Variants in HPSE2 observed in about 807,000 individuals in gnomAD.
HPSE2 encodes the protein inactive heparanase-2.
A neutral mutation model predicts 60.5 loss-of-function variants in HPSE2; 38 were observed. The ratio of observed to expected loss-of-function variants is 0.63; its 90% CI spans 0.48 to 0.82. The LOEUF is 0.82. Ranked by LOEUF, HPSE2 falls within the 40% of genes least tolerant of loss-of-function variation. The pLI, the probability that HPSE2 is intolerant of heterozygous loss-of-function variation, is 0.00. For synonymous variants in HPSE2, 295 were observed against 293.2 expected (o/e 1.01, Z -0.06); for missense variants, 713 against 740.4 (o/e 0.96, Z 0.43).
chr10:99,194,497 G>A (rs1848325954), intron 2 of HPSE2, among the ~76,000 whole-genome samples: 1 of 149,356 alleles, frequency 6.7e-6, no homozygotes, highest in East Asian at 2.0e-4. Context: ...TTTCTGAAAA[G>A]ACAAACAAAA....
chr10:98,748,964 G>A (rs1949691310), intron 3 of HPSE2, among the ~76,000 whole-genome samples: 1 of 152,046 alleles, frequency 6.6e-6, no homozygotes, highest in Admixed American at 6.6e-5. Flanking sequence ...ATGAGTAGAT[G>A]AACAAGGAAT....
At chr10:99,217,607 GTTTGTT>G (rs1199108068) in intron 2 of HPSE2, among the ~76,000 whole-genome samples, 1 of 151,888 alleles carries the variant, frequency 6.6e-6, no homozygotes, top group Non-Finnish European at 1.5e-5. Context: ...GCTGCTGCTT[GTTTGTT>G]TTTGAGACAA....
chr10:99,226,198 G>GTC (rs201918381), intron 2 of HPSE2, among the ~76,000 whole-genome samples: 5 of 151,510 alleles, frequency 3.3e-5, no homozygotes, highest in Non-Finnish European at 5.9e-5. Flanking sequence ...CTCTCTTCTT[G>GTC]TCTCTCTCTC....
the HPSE2 span, among the ~76,000 whole-genome samples, chr10:99,291,444 T>C: frequency 6.6e-6 from 1 of 151,900 alleles, no homozygotes; most frequent in Non-Finnish European, 1.5e-5. Context: ...ATTAGCTGGG[T>C]ATGGTGGCAC....
the HPSE2 span, among the ~76,000 whole-genome samples, chr10:99,306,111 G>A: frequency 4.6e-5 from 7 of 151,726 alleles, no homozygotes; most frequent in African/African-American, 1.5e-4. Flanking sequence ...AGACTTATGG[G>A]ACATGGGCAA....
intron 10 of HPSE2, among the ~76,000 whole-genome samples, chr10:98,489,264 C>G (rs533959010): frequency 3.8e-4 from 58 of 152,302 alleles, no homozygotes; most frequent in Non-Finnish European, 7.4e-4. Context: ...AGGCACCCCC[C>G]ACCCCTGATT....
chr10:99,106,246 GCTGTCTCT>G lies in HPSE2; in HGVS notation c.610+37984_610+37991del, dbSNP rs774386911. 1.3e-3 allele frequency among the ~76,000 whole-genome samples: 141 copies of G among 111,350 alleles called. 1 individual carries two copies. The highest frequency in any genetic ancestry group is 5.0e-3 in the South Asian group (15 of 3,000). 73.0% of individuals were successfully genotyped at this position (111,350 alleles called of 152,430 possible). A position where few individuals can be genotyped will look rare whatever the true frequency, so the allele number is the denominator to read the frequency against. On this transcript the variant is annotated intron_variant, in intron 3 of 11. Transcript: ENST00000370552. Reference sequence around the variant, plus strand: ...TGAGTTCTCCAATCCATGATCATAGGCTGTCTCTCTATTTTAAATTTTCTTTATTTCAA... The same window carrying G: ...TGAGTTCTCCAATCCATGATCATAGGCTATTTTAAATTTTCTTTATTTCAA...
chr10:98,703,591 C>A (rs1335301213), intron 5 of HPSE2, among the ~76,000 whole-genome samples: 1 of 152,148 alleles, frequency 6.6e-6, no homozygotes, highest in Non-Finnish European at 1.5e-5. Context: ...TCGGCTTCAT[C>A]CCTGGGATGC....
At chr10:99,007,268 G>A (rs1956916281) in intron 3 of HPSE2, among the ~76,000 whole-genome samples, 1 of 152,128 alleles carries the variant, frequency 6.6e-6, no homozygotes, top group Non-Finnish European at 1.5e-5. Flanking sequence ...GGCTGTGAGG[G>A]CTTGTGTGGC....
intron 9 of HPSE2, among the ~76,000 whole-genome samples, chr10:98,613,203 CA>C (rs1945809167): frequency 6.6e-6 from 1 of 152,060 alleles, no homozygotes. Flanking sequence ...GCCTGATGTT[CA>C]AAAAATATTT....
chr10:99,306,135 C>T, the HPSE2 span, among the ~76,000 whole-genome samples: 39 of 151,902 alleles, frequency 2.6e-4, no homozygotes, highest in African/African-American at 8.9e-4. Flanking sequence ...ATCTAATATA[C>T]ATGTATTTAG....
chr10:98,751,833 G>A (rs865856688), intron 3 of HPSE2, among the ~76,000 whole-genome samples: 1 of 152,206 alleles, frequency 6.6e-6, no homozygotes, highest in Admixed American at 6.5e-5. Context: ...GACATCTTAA[G>A]TATTGAGCTA....
intron 7 of HPSE2, 63 bp downstream of exon 7, chr10:98,641,784 G>T: frequency 8.0e-7 from 1 of 1,242,578 alleles, no homozygotes; most frequent in Non-Finnish European, 1.2e-6. Flanking sequence ...CTGGGACTTT[G>T]TGTCTTTTTC....
At chr10:99,220,883 T>A (rs1453398229) in intron 2 of HPSE2, among the ~76,000 whole-genome samples, 1 of 150,744 alleles carries the variant, frequency 6.6e-6, no homozygotes, top group Non-Finnish European at 1.5e-5. Flanking sequence ...TTGACGGAGT[T>A]TCACTCTTGT....
chr10:98,681,072 G>T (rs1003465318), intron 6 of HPSE2, among the ~76,000 whole-genome samples: 20 of 27,492 alleles, frequency 7.3e-4, no homozygotes, highest in Non-Finnish European at 1.4e-3. Flanking sequence ...CCCTGAATTG[G>T]TCATTTTTTT....
intron 3 of HPSE2, among the ~76,000 whole-genome samples, chr10:98,763,457 T>C (rs1158345112): frequency 6.6e-6 from 1 of 151,730 alleles, no homozygotes; most frequent in African/African-American, 2.4e-5. Flanking sequence ...ATCTTGAAAA[T>C]AGCCAGAGAA....
At position 98,708,444 on chromosome 10, in the gene HPSE2, A is replaced by C. The variant is rs951593739; in HGVS notation, c.956+13213T>G. 9.3e-5 allele frequency among the ~76,000 whole-genome samples: 13 copies of C among 140,414 alleles called. No individual in the cohort carries two copies. The Middle Eastern group carries it at 0.011, about 122-fold the overall frequency. 92.1% of individuals were successfully genotyped at this position (140,414 alleles called of 152,430 possible). On this transcript the variant is annotated intron_variant, in intron 5 of 11. Transcript: ENST00000370552. ...GCACTCCAGCCTGGGCGACAGAGTG[A>C]GACTACGTCTCAAAAAAAAAAAAAA...
At chr10:99,076,685 ACT>A (rs1451755062) in intron 3 of HPSE2, among the ~76,000 whole-genome samples, 2 of 151,930 alleles carry the variant, frequency 1.3e-5, no homozygotes, top group African/African-American at 4.8e-5. Context: ...TCCATGCCTG[ACT>A]CTATTTTTCA....
chr10:98,984,918 A>C (rs907783763), intron 3 of HPSE2, among the ~76,000 whole-genome samples: 1 of 152,210 alleles, frequency 6.6e-6, no homozygotes, highest in Non-Finnish European at 1.5e-5. Context: ...GAATGAAATG[A>C]AGCGAGAAGG....
Sources: gnomAD v4.1 joint callset for allele counts (sites outside exome capture counted in the v4.1 genomes callset) on GRCh38, gnomAD v4.1.1 for gene constraint, MANE v1.5 for transcripts, NCBI Gene and HGNC (gene_info 2026-07-23, HGNC 2026-07-21) for gene names.